The following EPHA5 variants were observed in gnomAD, a reference collection of about 807,000 sequenced individuals.
EPHA5 encodes the protein ephrin type-A receptor 5.
Under a neutral mutation model 105.0 loss-of-function variants are expected in EPHA5, and 60 were observed. The ratio of observed to expected loss-of-function variants is 0.57; its 90% CI spans 0.46 to 0.71. EPHA5 has a LOEUF of 0.71. EPHA5 is among the 30% of genes least tolerant of loss of function. The pLI is 0.00. For missense variants in EPHA5, 1,218 were observed against 1,274.7 expected, an observed-to-expected ratio of 0.96 and a Z score of 0.68; for synonymous variants, 513 against 449.1, an observed-to-expected ratio of 1.14 and a Z score of -1.80.
chr4:65,337,280 A>G (rs1051544098), intron 14 of EPHA5, among the ~76,000 whole-genome samples: 5 of 152,106 alleles, frequency 3.3e-5, no homozygotes, highest in Non-Finnish European at 5.9e-5. Context: ...ATTGGTAAGC[A>G]TATTAACCCC....
At chr4:65,483,717 C>G (rs1442693535) in intron 5 of EPHA5, among the ~76,000 whole-genome samples, 3 of 152,160 alleles carry the variant, frequency 2.0e-5, no homozygotes, top group African/African-American at 2.4e-5. Context: ...ACAGTTGATA[C>G]AGTAATATTT....
chr4:65,455,308 T>C (rs901191379), intron 5 of EPHA5, among the ~76,000 whole-genome samples: 4 of 152,164 alleles, frequency 2.6e-5, no homozygotes, highest in African/African-American at 9.6e-5. Context: ...TGTTTCTTTC[T>C]TCTTGTTAGT....
chr4:65,518,435 C>A (rs866455070), intron 3 of EPHA5, among the ~76,000 whole-genome samples: 27 of 150,142 alleles, frequency 1.8e-4, no homozygotes, highest in African/African-American at 4.1e-4. Flanking sequence ...ACACACACAC[C>A]CACACACACA....
intron 6 of EPHA5, among the ~76,000 whole-genome samples, chr4:65,419,686 A>T (rs568445156): frequency 6.6e-6 from 1 of 152,112 alleles, no homozygotes; most frequent in South Asian, 2.1e-4. Flanking sequence ...CGGGAGTAGT[A>T]GGAAGACTCA....
chr4:65,596,519 A>G (rs1040897746), intron 3 of EPHA5, among the ~76,000 whole-genome samples: 14 of 152,166 alleles, frequency 9.2e-5, no homozygotes, highest in Admixed American at 2.0e-4. Flanking sequence ...AAACAAACGC[A>G]GAGTACTCTC....
chr4:65,420,605 G>T (rs934008995), intron 5 of EPHA5, 40 bp from the exon 6 acceptor site: 1 of 1,590,994 alleles, frequency 6.3e-7, no homozygotes, highest in African/African-American at 1.4e-5. Context: ...TGATTAATAA[G>T]GCCCTAAAAG....
At chr4:65,414,169 GGA>G (rs1578059314) in intron 7 of EPHA5, 113 bp downstream of exon 7, 173 of 919,254 alleles carry the variant, frequency 1.9e-4, no homozygotes, top group Non-Finnish European at 2.3e-4. Context: ...GTCATGCCTG[GGA>G]GAGAGAGAGG....
chr4:65,374,675 A>T (rs184100833), intron 8 of EPHA5, among the ~76,000 whole-genome samples: 3 of 151,978 alleles, frequency 2.0e-5, no homozygotes, highest in Non-Finnish European at 2.9e-5. Flanking sequence ...TATATGTATC[A>T]TATTATATTA....
At chr4:65,657,898 CAAA>C (rs58539913) in intron 1 of EPHA5, among the ~76,000 whole-genome samples, 3,421 of 117,364 alleles carry the variant, frequency 0.029, 91 homozygotes, top group African/African-American at 0.097. Flanking sequence ...TTGGTATATG[CAAA>C]AAAAAAAAAA....
At chr4:65,514,181 T>C (rs1019680674) in intron 3 of EPHA5, among the ~76,000 whole-genome samples, 1 of 152,140 alleles carries the variant, frequency 6.6e-6, no homozygotes, top group Non-Finnish European at 1.5e-5. Context: ...TTCCAGACCA[T>C]GCTCCTGACA....
At position 65,409,346 on chromosome 4, in the gene EPHA5, A is replaced by ATAAATAAAT. The variant is rs1553910970; in HGVS notation, c.1688-4868_1688-4867insATTTATTTA. On this transcript the variant is annotated intron_variant, in intron 7 of 16. Transcript: ENST00000613740. ...CCTAAAACTTAAGGTATAATAATAA[A>ATAAATAAAT]AAATAAATAAATAAATAAATAAATA... Among the ~76,000 whole-genome samples the ATAAATAAAT allele has an allele frequency of 6.6e-3, 880 of 134,180 alleles. 6 individuals are homozygous for ATAAATAAAT. The highest frequency in any genetic ancestry group is 0.01 in the Non-Finnish European group (660 of 63,114). The allele number at this position is 134,180 out of a possible 152,430, so 88.0% of individuals were successfully genotyped here.
chr4:65,607,179 A>T (rs1457277903), intron 2 of EPHA5, among the ~76,000 whole-genome samples: 3 of 150,904 alleles, frequency 2.0e-5, no homozygotes, highest in African/African-American at 7.4e-5. Flanking sequence ...TAACTCACTG[A>T]TGTTTTTTTT....
chr4:65,524,149 G>A (rs1380571412), intron 3 of EPHA5, among the ~76,000 whole-genome samples: 3 of 151,622 alleles, frequency 2.0e-5, no homozygotes, highest in Non-Finnish European at 1.5e-5. Flanking sequence ...TCAAACAAGA[G>A]GAATGAGATT....
intron 3 of EPHA5, among the ~76,000 whole-genome samples, chr4:65,540,732 G>GT (rs991760549): frequency 2.0e-5 from 3 of 150,754 alleles, no homozygotes; most frequent in African/African-American, 7.3e-5. Context: ...AAAATCAAGT[G>GT]TATTTAACTG....
intron 7 of EPHA5, among the ~76,000 whole-genome samples, chr4:65,411,147 C>T (rs1722871242): frequency 6.6e-6 from 1 of 151,734 alleles, no homozygotes; most frequent in Admixed American, 6.6e-5. Context: ...AAGAAGTTAA[C>T]AGTTATAAGA....
chr4:65,324,988 G>A (rs1577806312), intron 16 of EPHA5, among the ~76,000 whole-genome samples: 2 of 151,040 alleles, frequency 1.3e-5, no homozygotes, highest in Non-Finnish European at 3.0e-5. Context: ...GTTTTTCAAC[G>A]TTCTTTTACA....
At chr4:65,643,313 G>T (rs766180634) in intron 2 of EPHA5, 50 bp downstream of exon 2, 7 of 1,383,864 alleles carry the variant, frequency 5.1e-6, no homozygotes, top group African/African-American at 2.8e-5. Flanking sequence ...CAAGTATCAA[G>T]ATGCTTACGC....
rs573390982 is a variant in EPHA5 at position 65,369,709 on chromosome 4, T to A, written c.1794-2285A>T. Among the ~76,000 whole-genome samples, 234 of 152,244 alleles carry A rather than the reference T, an allele frequency of 1.5e-3. 2 individuals are homozygous for A. The highest frequency in any genetic ancestry group is 5.5e-3 in the African/African-American group (230 of 41,556). On this transcript the variant is annotated intron_variant, in intron 8 of 16. Coordinates refer to ENST00000613740, the MANE Select transcript of EPHA5 (RefSeq NM_001281766.3). ...CTGGCTGGGCGTGGTGGCTCACGCT[T>A]GTAATCCCAGCACTTTGGGAATCTG...
intron 3 of EPHA5, among the ~76,000 whole-genome samples, chr4:65,498,569 A>G (rs1282095034): frequency 1.3e-5 from 2 of 151,874 alleles, no homozygotes; most frequent in African/African-American, 4.8e-5. Flanking sequence ...TGATCAATAA[A>G]ACGAGGGGAA....
Sources: gnomAD v4.1 joint callset for allele counts (sites outside exome capture counted in the v4.1 genomes callset) on GRCh38, gnomAD v4.1.1 for gene constraint, MANE v1.5 for transcripts, NCBI Gene and HGNC (gene_info 2026-07-23, HGNC 2026-07-21) for gene names.